The following RIN3 variants were observed in gnomAD, a reference collection of about 807,000 sequenced individuals.
The protein encoded by RIN3 is RAB5 interacting protein 3.
RIN3 carries 54 observed loss-of-function variants against 76.3 expected under a neutral mutation model. The observed-to-expected ratio is 0.71, with a 90% confidence interval of 0.57 to 0.89. The LOEUF (loss-of-function observed/expected upper bound fraction) is 0.89, where lower values mean the gene tolerates loss of function less well. RIN3 is among the 40% of genes least tolerant of loss of function. RIN3 has a pLI of 0.00. For missense variants in RIN3, 1,256 were observed against 1,322.1 expected, an observed-to-expected ratio of 0.95 and a Z score of 0.78; for synonymous variants, 576 against 564.0, an observed-to-expected ratio of 1.02 and a Z score of -0.30.
chr14:92,565,576 T>G (rs952817171), intron 2 of RIN3, among the ~76,000 whole-genome samples: 1 of 152,180 alleles, frequency 6.6e-6, no homozygotes. Context: ...GGGTAGGCAT[T>G]TCCTGGAGCT....
intron 7 of RIN3, among the ~76,000 whole-genome samples, chr14:92,666,255 T>C (rs963952467): frequency 6.6e-6 from 1 of 151,832 alleles, no homozygotes; most frequent in African/African-American, 2.4e-5. Flanking sequence ...GAAAGGGGAA[T>C]AAAATAGGGC....
chr14:92,678,539 T>C (rs1250456399), intron 8 of RIN3, among the ~76,000 whole-genome samples: 1 of 123,140 alleles, frequency 8.1e-6, no homozygotes, highest in African/African-American at 3.1e-5. Context: ...CACCCACATA[T>C]TCACTCATGC....
chr14:92,654,369 C>T (rs1040052504), intron 6 of RIN3, among the ~76,000 whole-genome samples: 6 of 152,118 alleles, frequency 3.9e-5, no homozygotes, highest in East Asian at 3.9e-4. Context: ...TTCGCACTGC[C>T]GTAGCCAAAA....
At chr14:92,614,826 A>T (rs965492307) in intron 3 of RIN3, among the ~76,000 whole-genome samples, 2 of 144,066 alleles carry the variant, frequency 1.4e-5, no homozygotes, top group Admixed American at 1.4e-4. Context: ...TATATAAATT[A>T]TCCAGTCTCT....
Position 92,594,301 on chromosome 14 carries a change from G to A in RIN3, c.367+16824G>A, listed in dbSNP as rs1028102065. Reference sequence around the variant, plus strand: ...TACAAAATTAGCTGGGCATGGTGGCGCATGCCTGTAATCCCAGCTACTCAG... The same window carrying A: ...TACAAAATTAGCTGGGCATGGTGGCACATGCCTGTAATCCCAGCTACTCAG... On this transcript the variant is annotated intron_variant, in intron 3 of 9. Coordinates refer to ENST00000216487, the MANE Select transcript of RIN3 (RefSeq NM_024832.5). Among the ~76,000 whole-genome samples, 4 of 152,012 alleles carry A rather than the reference G, an allele frequency of 2.6e-5. No homozygotes were observed. In the South Asian group the frequency reaches 6.2e-4, roughly 24 times the overall value.
At chr14:92,651,496 T>C in intron 5 of RIN3, 86 bp from the exon 6 acceptor site, 1 of 648,566 alleles carries the variant, frequency 1.5e-6, no homozygotes, top group Non-Finnish European at 2.5e-6. Flanking sequence ...CTCCCACCCG[T>C]GGACCCCGCC....
chr14:92,607,106 A>G (rs1435286737), intron 3 of RIN3, among the ~76,000 whole-genome samples: 1 of 152,244 alleles, frequency 6.6e-6, no homozygotes, highest in African/African-American at 2.4e-5. Context: ...ATGAACAGAC[A>G]TTTCACCAAA....
chr14:92,601,486 G>C (rs1566862271), intron 3 of RIN3, among the ~76,000 whole-genome samples: 1 of 152,218 alleles, frequency 6.6e-6, no homozygotes, highest in Non-Finnish European at 1.5e-5. Flanking sequence ...GGTGAACTTT[G>C]TAAGATTCTG....
At chr14:92,543,460 C>T (rs1897171197) in intron 1 of RIN3, among the ~76,000 whole-genome samples, 1 of 152,004 alleles carries the variant, frequency 6.6e-6, no homozygotes, top group Non-Finnish European at 1.5e-5. Flanking sequence ...AGAGAGGGAA[C>T]TGAAGTGTTA....
chr14:92,517,514 C>T (rs574881533), intron 1 of RIN3, among the ~76,000 whole-genome samples: 2 of 152,036 alleles, frequency 1.3e-5, no homozygotes, highest in African/African-American at 4.8e-5. Flanking sequence ...TCCTGTTGGC[C>T]CCCAGCTATC....
chr14:92,536,679 T>C (rs536573697), intron 1 of RIN3, among the ~76,000 whole-genome samples: 2 of 149,408 alleles, frequency 1.3e-5, no homozygotes, highest in African/African-American at 4.9e-5. Flanking sequence ...GAGGTGGAGG[T>C]TGCTGTGAGC....
At chr14:92,551,561 T>C (rs892702202) in intron 1 of RIN3, among the ~76,000 whole-genome samples, 1 of 152,338 alleles carries the variant, frequency 6.6e-6, no homozygotes. Context: ...ATGTTCGTTC[T>C]CCCCAAGAGT....
intron 7 of RIN3, among the ~76,000 whole-genome samples, chr14:92,661,403 G>C (rs1017439494): frequency 6.6e-6 from 1 of 152,158 alleles, no homozygotes; most frequent in Admixed American, 6.5e-5. Context: ...GTGGTAAACT[G>C]ATTTGTGTCC....
intron 6 of RIN3, among the ~76,000 whole-genome samples, chr14:92,653,960 A>C (rs1248416391): frequency 1.3e-5 from 2 of 151,460 alleles, no homozygotes; most frequent in Middle Eastern, 3.5e-3. Flanking sequence ...CAAGGCTGCA[A>C]AGAACCAACA....
At chr14:92,687,859 G>A in intron 9 of RIN3, 67 bp from the exon 10 acceptor site, 1 of 1,387,902 alleles carries the variant, frequency 7.2e-7, no homozygotes, top group Non-Finnish European at 9.5e-7. Context: ...GGAGGGGCCT[G>A]GGCCGGGAGA....
chr14:92,517,334 G>A (rs1440961917), intron 1 of RIN3, among the ~76,000 whole-genome samples: 2 of 152,258 alleles, frequency 1.3e-5, no homozygotes, highest in Admixed American at 6.5e-5. Context: ...TTGAGGAAAC[G>A]GAAGACAAAT....
intron 3 of RIN3, among the ~76,000 whole-genome samples, chr14:92,590,738 C>T (rs916632797): frequency 5.9e-5 from 9 of 152,202 alleles, no homozygotes; most frequent in African/African-American, 1.2e-4. Context: ...TTTAGCCATC[C>T]TGCCCAACTT....
intron 2 of RIN3, among the ~76,000 whole-genome samples, chr14:92,563,549 G>T (rs903736147): frequency 6.6e-5 from 10 of 152,092 alleles, no homozygotes; most frequent in African/African-American, 2.2e-4. Context: ...GCTCTGAGAC[G>T]GTAAGAAACC....
At chr14:92,682,339 C>A (rs1239177143) in intron 8 of RIN3, among the ~76,000 whole-genome samples, 2 of 152,144 alleles carry the variant, frequency 1.3e-5, no homozygotes, top group Non-Finnish European at 2.9e-5. Context: ...GCCAGCTTCA[C>A]CCAATGTAAC....
Sources: gnomAD v4.1 joint callset for allele counts (sites outside exome capture counted in the v4.1 genomes callset) on GRCh38, gnomAD v4.1.1 for gene constraint, MANE v1.5 for transcripts, NCBI Gene and HGNC (gene_info 2026-07-23, HGNC 2026-07-21) for gene names.